Variants in NOBOX observed in about 807,000 individuals in gnomAD.
NOBOX encodes the protein homeobox protein NOBOX.
In NOBOX, 46 loss-of-function variants were observed where a neutral mutation model predicts 60.2. The ratio of observed to expected loss-of-function variants is 0.76; its 90% confidence interval spans 0.60 to 0.98. The LOEUF is 0.98. Ranked by LOEUF, NOBOX falls within the 50% of genes least tolerant of loss-of-function variation. The pLI is 0.00. For missense variants in NOBOX, 880 were observed against 865.5 expected (o/e 1.02, Z -0.21); for synonymous variants, 360 against 346.3 (o/e 1.04, Z -0.44).
chr7:144,405,733 T>C (rs1019123038), intron 1 of NOBOX, among the ~76,000 whole-genome samples: 2 of 152,158 alleles, frequency 1.3e-5, no homozygotes, highest in African/African-American at 4.8e-5. Context: ...TCAAAGAATG[T>C]TCTTAAAACC....
intron 4 of NOBOX, among the ~76,000 whole-genome samples, chr7:144,400,599 G>A (rs372986606): frequency 1.1e-4 from 17 of 152,218 alleles, no homozygotes; most frequent in South Asian, 2.1e-4. Flanking sequence ...GTGCAGTGGC[G>A]CAATCTCAGC....
At chr7:144,406,010 G>A (rs551752676) in intron 1 of NOBOX, among the ~76,000 whole-genome samples, 1 of 152,314 alleles carries the variant, frequency 6.6e-6, no homozygotes, top group South Asian at 2.1e-4. Flanking sequence ...TGAGGTGTCT[G>A]CTGCAGTGAG....
intron 2 of NOBOX, chr7:144,404,432 A>G: frequency 1.3e-6 from 1 of 789,066 alleles, no homozygotes; most frequent in South Asian, 1.6e-5. Flanking sequence ...TATTTTTAGT[A>G]GAGACGGGGT....
intron 2 of NOBOX, among the ~76,000 whole-genome samples, chr7:144,404,184 C>T (rs1361561515): frequency 6.6e-6 from 1 of 152,178 alleles, no homozygotes; most frequent in African/African-American, 2.4e-5. Context: ...CTGGGTTGCC[C>T]AACTCCCATG....
intron 2 of NOBOX, among the ~76,000 whole-genome samples, chr7:144,403,988 G>T (rs1054368962): frequency 6.6e-6 from 1 of 152,110 alleles, no homozygotes; most frequent in African/African-American, 2.4e-5. Context: ...CCCTCCCGTG[G>T]CGGGGCTGGA....
chr7:144,398,503 T>G lies in NOBOX; in HGVS notation c.1553A>C (p.Gln518Pro), dbSNP rs1476361329. 1 of 1,536,816 alleles carries G rather than the reference T, an allele frequency of 6.5e-7. No individual in the cohort carries two copies. The highest frequency in any genetic ancestry group is 8.7e-7 in the Non-Finnish European group (1 of 1,146,756). ...CGGGGGCTGTGGAGCCTGGGAGAAC[T>G]GGAAGGGTCCTGGCTGGTTGCTCTG... The change falls in exon 9 of 10, where the codon CAG becomes CCG. Residue 518 changes from glutamine (Q) to proline (P), a missense_variant. Physicochemically the swap from Gln to Pro is moderately conservative, Grantham distance 76. Coordinates refer to ENST00000467773, the MANE Select transcript of NOBOX (RefSeq NM_001080413.3).
chr7:144,408,512 A>G (rs1397450921), intron 1 of NOBOX, among the ~76,000 whole-genome samples: 1 of 152,156 alleles, frequency 6.6e-6, no homozygotes, highest in Non-Finnish European at 1.5e-5. Flanking sequence ...CTAAGTATCA[A>G]CTCATTGAAT....
intron 2 of NOBOX, 65 bp from the exon 1 acceptor site, chr7:144,403,758 G>A (rs997765320): frequency 4.6e-6 from 3 of 653,398 alleles, no homozygotes; most frequent in Admixed American, 2.2e-5. Context: ...AAGCCTCGCC[G>A]GGCGGGCAGG....
rs1213668924 is a variant in NOBOX at position 144,397,415 on chromosome 7, G to A, written c.1901C>T (p.Pro634Leu). Residue 634 changes from proline to leucine, a missense_variant, in exon 10 of 10, where the codon CCC (proline) becomes CTC (leucine). Physicochemically the swap from Pro to Leu is moderately conservative, Grantham distance 98. Transcript: ENST00000467773. ...CGAAGGCTGCCTGCCCAGAGCCTGG[G>A]GGCAGGGAGTTGGAAATAGATCAGG... is the stretch of plus-strand genomic sequence containing the variant. The A allele has an allele frequency of 4.6e-6, 7 of 1,537,254 alleles. No individual in the cohort carries two copies. Among genetic ancestry groups the A allele is most frequent in the Middle Eastern group, 3.3e-4 (2 of 5,990 alleles).
chr7:144,401,889 C>T lies in NOBOX; in HGVS notation c.272G>A (p.Gly91Glu), dbSNP rs760310579. 1 of 1,611,484 alleles carries T rather than the reference C, an allele frequency of 6.2e-7. No individual in the cohort carries two copies. Among genetic ancestry groups the T allele is most frequent in the Non-Finnish European group, 8.5e-7 (1 of 1,177,776 alleles). The change falls in exon 3 of 10, where the codon GGG becomes GAG. Residue 91 changes from glycine (G) to glutamate (E), a missense_variant. Physicochemically the swap from Gly to Glu is moderately conservative, Grantham distance 98 (BLOSUM62 -2). Transcript: ENST00000467773. The surrounding 1 kb of genome is among the most constrained non-coding windows in gnomAD (Gnocchi z 4.2). The stretch of plus-strand genomic sequence containing the variant: ...CTCACCCCTTGTGAGTTCCCTTTTC[C>T]CAGACACCAGGGGTATGAGTTTGAG...
intron 9 of NOBOX, 145 bp downstream of exon 7, chr7:144,398,137 A>T: frequency 2.7e-6 from 2 of 753,946 alleles, no homozygotes; most frequent in South Asian, 3.0e-5. Context: ...TTCGAGGGAG[A>T]AGAGCTTAAT....
Position 144,398,386 on chromosome 7 carries a change from G to A in NOBOX, c.1670C>T (p.Ser557Phe). Residue 557 changes from serine (S) to phenylalanine (F), a missense_variant, in exon 9 of 10, where the codon TCT becomes TTT. Transcript: ENST00000467773. ...GGGGCCACAGGGAAACATAAAGAGAGAGTCTTCGGGCGGTGGAAGCGTCAG... is the reference window on the plus strand; with the variant it reads ...GGGGCCACAGGGAAACATAAAGAGAAAGTCTTCGGGCGGTGGAAGCGTCAG... 2 of 1,537,258 alleles carry A rather than the reference G, an allele frequency of 1.3e-6. No homozygotes were observed. Among genetic ancestry groups the A allele is most frequent in the Non-Finnish European group, 1.7e-6 (2 of 1,146,900 alleles).
chr7:144,397,306 A>C lies in NOBOX; in HGVS notation c.2010T>G (p.Ala670=). 1 of 1,537,282 alleles carries C rather than the reference A, an allele frequency of 6.5e-7. No homozygotes were observed. Among genetic ancestry groups the C allele is most frequent in the African/African-American group, 1.4e-5 (1 of 73,184 alleles). ...CCAGTGCTGAGGGCTGATCCAGGGA[A>C]GCAGCTGGTGGTTCCTCTTTTGCCT... Residue 670 remains alanine, a synonymous_variant, in exon 10 of 10, where the codon GCT becomes GCG. Transcript: ENST00000467773.
At chr7:144,405,492 A>G (rs1306127924) in intron 1 of NOBOX, among the ~76,000 whole-genome samples, 1 of 152,050 alleles carries the variant, frequency 6.6e-6, no homozygotes, top group Non-Finnish European at 1.5e-5. Context: ...AGGAGCAGGA[A>G]CCCCTTCTGG....
intron 8 of NOBOX, 23 bp downstream of exon 6, chr7:144,398,927 A>T: frequency 7.4e-7 from 1 of 1,356,156 alleles, no homozygotes; most frequent in Non-Finnish European, 1.0e-6. Context: ...AACTAGAGTG[A>T]CCTACCCCCG....
Position 144,401,443 on chromosome 7 carries a change from T to G in NOBOX, c.447A>C (p.Glu149Asp). 6.2e-7 allele frequency: 1 copy of G among 1,602,934 alleles called. No individual in the cohort carries two copies. Among genetic ancestry groups the G allele is most frequent in the Non-Finnish European group, 8.5e-7 (1 of 1,174,530 alleles). The change falls in exon 4 of 10, where the codon GAA (glutamate) becomes GAC (aspartate). Residue 149 changes from glutamate to aspartate, a missense_variant. Glu to Asp is a conservative substitution (Grantham distance 45). Coordinates refer to ENST00000467773, the MANE Select transcript of NOBOX (RefSeq NM_001080413.3). The surrounding 1 kb of genome is among the most constrained non-coding windows in gnomAD (Gnocchi z 4.2). ...GTCTCCCAGCATCAGCCCCGGTGGCTTCTCCAGAGACTGCTGGCGGCTTCT... is the reference window on the plus strand; with the variant it reads ...GTCTCCCAGCATCAGCCCCGGTGGCGTCTCCAGAGACTGCTGGCGGCTTCT...
At chr7:144,398,831 T>G in intron 8 of NOBOX, 119 bp downstream of exon 6, 1 of 665,402 alleles carries the variant, frequency 1.5e-6, no homozygotes. Flanking sequence ...CCCCATCTCC[T>G]GTACCACTCT....
chr7:144,400,028 C>T (rs2053925299), intron 5 of NOBOX, 165 bp from the exon 4 acceptor site: 2 of 1,457,592 alleles, frequency 1.4e-6, no homozygotes, highest in Middle Eastern at 2.2e-4. Context: ...GCAGTGCCTT[C>T]CTCTCCTAAT....
In NOBOX at chr7:144,401,253, C is replaced by G. The variant is rs926981056; in HGVS notation, c.637G>C (p.Gly213Arg). The stretch of plus-strand genomic sequence containing the variant: ...CCCGGAGATGATGTTGGGGCCAGAC[C>G]CATGGCATTAGGCTTTTTCTGCTTC... The change falls in exon 4 of 10, where the codon GGT (glycine) becomes CGT (arginine). Residue 213 changes from glycine to arginine, a missense_variant. Coordinates refer to ENST00000467773, the MANE Select transcript of NOBOX (RefSeq NM_001080413.3). This position sits in a 1 kb window ranked among gnomAD's most constrained non-coding sequence, Gnocchi z 4.2. 2 of 1,613,446 alleles carry G rather than the reference C, an allele frequency of 1.2e-6. No individual in the cohort carries two copies. The highest frequency in any genetic ancestry group is 1.3e-5 in the African/African-American group (1 of 74,922).
Sources: gnomAD v4.1 joint callset for allele counts (sites outside exome capture counted in the v4.1 genomes callset) on GRCh38, gnomAD v4.1.1 for gene constraint, Gnocchi (gnomAD v3.1) non-coding constraint, MANE v1.5 for transcripts, NCBI Gene and HGNC (gene_info 2026-07-23, HGNC 2026-07-21) for gene names.